TNIK: variants seen among roughly 807,000 people sequenced by gnomAD.
TNIK encodes TRAF2 and NCK interacting kinase.
In TNIK, 49 loss-of-function variants were observed where a neutral mutation model predicts 191.3. The observed-to-expected ratio is 0.26, with a 90% CI of 0.20 to 0.32. TNIK has a LOEUF of 0.32. Among genes scored for constraint, TNIK ranks in the 10% least tolerant of loss-of-function variants. The pLI is 1.00. For missense variants in TNIK, 1,155 were observed against 1,702.3 expected (o/e 0.68, Z 5.66); for synonymous variants, 594 against 600.9 (o/e 0.99, Z 0.17).
intron 11 of TNIK, among the ~76,000 whole-genome samples, chr3:171,157,890 C>T (rs1733435998): frequency 6.6e-6 from 1 of 152,176 alleles, no homozygotes; most frequent in Non-Finnish European, 1.5e-5. Flanking sequence ...ATGCTGCCTC[C>T]ATCCATAGAG....
chr3:171,206,335 G>GTATA (rs60356829), intron 4 of TNIK, among the ~76,000 whole-genome samples: 2,993 of 133,020 alleles, frequency 0.023, 104 homozygotes, highest in African/African-American at 0.074. Flanking sequence ...ATATGTTCGT[G>GTATA]TATATATATA....
At chr3:171,232,713 C>T (rs890017428) in intron 2 of TNIK, among the ~76,000 whole-genome samples, 2 of 151,850 alleles carry the variant, frequency 1.3e-5, no homozygotes, top group African/African-American at 4.9e-5. Context: ...TCAGCCTGGT[C>T]CTCAGACACA....
At chr3:171,109,787 G>GCT (rs1725564011) in intron 19 of TNIK, among the ~76,000 whole-genome samples, 3 of 152,116 alleles carry the variant, frequency 2.0e-5, no homozygotes, top group Admixed American at 6.5e-5. Context: ...ATCAGCACCT[G>GCT]GAAATAATAA....
At chr3:171,317,595 A>G (rs956216010) in intron 2 of TNIK, among the ~76,000 whole-genome samples, 1 of 152,176 alleles carries the variant, frequency 6.6e-6, no homozygotes, top group African/African-American at 2.4e-5. Flanking sequence ...GGCAAATGGG[A>G]GACTGGGAAT....
intron 12 of TNIK, among the ~76,000 whole-genome samples, chr3:171,145,842 G>C (rs74464950): frequency 6.8e-6 from 1 of 147,878 alleles, no homozygotes; most frequent in South Asian, 2.1e-4. Context: ...AGAAAAGTAC[G>C]CACCTACACC....
intron 7 of TNIK, among the ~76,000 whole-genome samples, chr3:171,188,078 G>C (rs1327576428): frequency 6.6e-6 from 1 of 152,224 alleles, no homozygotes; most frequent in African/African-American, 2.4e-5. Flanking sequence ...ATAGAAAAGA[G>C]AAGGGCTTCT....
Position 171,421,724 on chromosome 3 carries a change from A to ATTTTTTTT in TNIK, c.57+38275_57+38282dup, listed in dbSNP as rs67895255. On this transcript the variant is annotated intron_variant, in intron 1 of 32. Coordinates refer to ENST00000436636, the MANE Select transcript of TNIK (RefSeq NM_015028.4). ...AGCTCTGCTCCTGATTAGTTGTGTA[A>ATTTTTTTT]TTTTTTTTTTTTTTTTTTTTTTTTT... is the stretch of plus-strand genomic sequence containing the variant. Among the ~76,000 whole-genome samples the ATTTTTTTT allele has an allele frequency of 6.6e-5, 6 of 91,354 alleles. 1 individual carries two copies. The highest frequency in any genetic ancestry group is 1.5e-4 in the African/African-American group (3 of 20,098). The allele number at this position is 91,354 out of a possible 152,430, so 59.9% of individuals were successfully genotyped here.
intron 2 of TNIK, among the ~76,000 whole-genome samples, chr3:171,355,363 TTTGAAG>T (rs1713881324): frequency 6.6e-6 from 1 of 152,208 alleles, no homozygotes; most frequent in South Asian, 2.1e-4. Context: ...TTCTGAAGTA[TTTGAAG>T]TGTCTCTTCA....
chr3:171,216,558 T>C lies in TNIK; in HGVS notation c.181-5317A>G, dbSNP rs9820338. ...CAATCAATGCCATTCTGCACATGAA[T>C]AGGGTAACCTAGCAGCACAAATTAA... On this transcript the variant is annotated intron_variant, in intron 3 of 32. Transcript: ENST00000436636. Among the ~76,000 whole-genome samples, 621 of 152,322 alleles carry C rather than the reference T, an allele frequency of 4.1e-3. 8 individuals carry two copies. Among genetic ancestry groups the C allele is most frequent in the African/African-American group, 0.014 (587 of 41,574 alleles).
chr3:171,087,987 A>G (rs1003496721), intron 23 of TNIK, among the ~76,000 whole-genome samples: 3 of 152,248 alleles, frequency 2.0e-5, no homozygotes, highest in Non-Finnish European at 4.4e-5. Context: ...CAGAGACCAT[A>G]CTTAACTCAC....
At chr3:171,276,869 G>A (rs1281030689) in intron 2 of TNIK, among the ~76,000 whole-genome samples, 3 of 152,130 alleles carry the variant, frequency 2.0e-5, no homozygotes, top group South Asian at 2.1e-4. Context: ...TCATGTGTTC[G>A]GAGAAATTGG....
intron 12 of TNIK, among the ~76,000 whole-genome samples, chr3:171,150,480 T>G (rs962681497): frequency 6.6e-6 from 1 of 152,190 alleles, no homozygotes; most frequent in African/African-American, 2.4e-5. Flanking sequence ...TGTTATTCAC[T>G]CAGCACAAGA....
At chr3:171,455,406 C>CTTT (rs761736063) in intron 1 of TNIK, among the ~76,000 whole-genome samples, 1 of 137,502 alleles carries the variant, frequency 7.3e-6, no homozygotes, top group African/African-American at 2.7e-5. Flanking sequence ...ACCACACTGA[C>CTTT]TTTTTTTTTT....
chr3:171,126,225 A>AG, intron 16 of TNIK, 74 bp from the exon 17 acceptor site: 1 of 1,411,712 alleles, frequency 7.1e-7, no homozygotes. Flanking sequence ...AGTGAGCTGA[A>AG]GGAAAAAAAA....
At chr3:171,139,376 G>GTGCACACA (rs1553830101) in intron 14 of TNIK, 94 bp downstream of exon 14, 16 of 532,098 alleles carry the variant, frequency 3.0e-5, no homozygotes, top group African/African-American at 1.7e-4. Context: ...ACACGCACGC[G>GTGCACACA]CGCACACACA....
chr3:171,402,577 G>A (rs1490705489), intron 1 of TNIK, among the ~76,000 whole-genome samples: 1 of 152,136 alleles, frequency 6.6e-6, no homozygotes, highest in African/African-American at 2.4e-5. Context: ...TTCATAGATT[G>A]ACCGTGATAT....
intron 1 of TNIK, among the ~76,000 whole-genome samples, chr3:171,451,007 C>T (rs1728104850): frequency 6.6e-6 from 1 of 152,200 alleles, no homozygotes. Flanking sequence ...TGTTACTTTA[C>T]AGATATATTG....
chr3:171,115,955 C>G (rs1726621535), intron 18 of TNIK, among the ~76,000 whole-genome samples: 1 of 152,174 alleles, frequency 6.6e-6, no homozygotes, highest in Non-Finnish European at 1.5e-5. Flanking sequence ...CTAATTGGAT[C>G]CCATGGGCAT....
chr3:171,109,764 T>C (rs546913130), intron 19 of TNIK, among the ~76,000 whole-genome samples: 2 of 152,334 alleles, frequency 1.3e-5, no homozygotes, highest in East Asian at 3.9e-4. Context: ...CTAGAAACAA[T>C]GTATTATTAT....
Sources: allele counts gnomAD v4.1 joint callset (sites outside exome capture counted in the v4.1 genomes callset), GRCh38; gene constraint gnomAD v4.1.1; transcripts MANE v1.5; gene names NCBI Gene and HGNC (gene_info 2026-07-23, HGNC 2026-07-21).